Variants in PIBF1 observed in about 807,000 individuals in gnomAD.
PIBF1 encodes the protein progesterone immunomodulatory binding factor 1, also known as progesterone-induced-blocking factor 1.
A neutral mutation model predicts 112.5 loss-of-function variants in PIBF1; 90 were observed. The ratio of observed to expected loss-of-function variants is 0.80; its 90% CI spans 0.67 to 0.95. The LOEUF (loss-of-function observed/expected upper bound fraction) is 0.95. Ranked by LOEUF, PIBF1 falls within the 40% of genes least tolerant of loss-of-function variation. PIBF1 has a pLI of 0.00. For missense variants in PIBF1, 915 were observed against 852.3 expected (o/e 1.07, Z -0.92); for synonymous variants, 301 against 288.6 (o/e 1.04, Z -0.44).
chr13:72,827,403 C>T lies in PIBF1; in HGVS notation c.915+285C>T, dbSNP rs966555744. 1.3e-5 allele frequency among the ~76,000 whole-genome samples: 2 copies of T among 151,922 alleles called. 1 individual carries two copies. The highest frequency in any genetic ancestry group is 4.8e-5 in the African/African-American group (2 of 41,360). On this transcript the variant is annotated intron_variant, in intron 7 of 17. Coordinates refer to ENST00000326291, the MANE Select transcript of PIBF1 (RefSeq NM_006346.4). ...AGCTGGGATTACAGGCGTGTGCCAC[C>T]ATGCCCTACTAATTTTTACATTTTT...
chr13:72,871,783 G>A (rs1212394793), intron 10 of PIBF1, among the ~76,000 whole-genome samples: 1 of 152,144 alleles, frequency 6.6e-6, no homozygotes, highest in Non-Finnish European at 1.5e-5. Context: ...AGAACTCTTA[G>A]TTGGAGTTTT....
chr13:72,892,563 G>A (rs2040097675), intron 10 of PIBF1, among the ~76,000 whole-genome samples: 3 of 151,940 alleles, frequency 2.0e-5, no homozygotes, highest in Admixed American at 2.0e-4. Flanking sequence ...ATATAAAATT[G>A]GGCTTCATCC....
intron 10 of PIBF1, chr13:72,884,747 A>G (rs1200484997): frequency 6.6e-6 from 1 of 152,150 alleles, no homozygotes; most frequent in Non-Finnish European, 1.5e-5. Flanking sequence ...TATAATTATA[A>G]CATAATATGT....
chr13:72,975,520 G>C (rs1057092591), intron 16 of PIBF1, among the ~76,000 whole-genome samples: 4 of 152,288 alleles, frequency 2.6e-5, no homozygotes, highest in African/African-American at 7.2e-5. Context: ...CCTAGAGATG[G>C]TGTCAGAAGA....
chr13:72,998,909 C>T lies in PIBF1; in HGVS notation c.2137C>T (p.His713Tyr). 1 of 1,611,636 alleles carries T rather than the reference C, an allele frequency of 6.2e-7. No homozygotes were observed. Among genetic ancestry groups the T allele is most frequent in the Non-Finnish European group, 8.5e-7 (1 of 1,178,040 alleles). ...SLLLTKTEPKHVTENQKSKTL... is the reference protein window; with the variant it reads ...SLLLTKTEPKYVTENQKSKTL... ...ACTTCTCACTAAAACAGAACCAAAA[C>T]ATGTGACAGAAAATCAGAAATCAAA... The change falls in exon 17 of 18, where the codon CAT (histidine) becomes TAT (tyrosine). Residue 713 changes from histidine to tyrosine, a missense_variant. His to Tyr is a moderately conservative substitution (Grantham distance 83, BLOSUM62 2). Coordinates refer to ENST00000326291, the MANE Select transcript of PIBF1 (RefSeq NM_006346.4).
At chr13:72,933,771 T>C (rs942177214) in intron 14 of PIBF1, among the ~76,000 whole-genome samples, 4 of 152,250 alleles carry the variant, frequency 2.6e-5, no homozygotes, top group Non-Finnish European at 5.9e-5. Flanking sequence ...ATAATTAACT[T>C]TGTATGAAAC....
chr13:72,924,382 A>G (rs2041407568), intron 13 of PIBF1, among the ~76,000 whole-genome samples: 1 of 150,084 alleles, frequency 6.7e-6, no homozygotes, highest in Admixed American at 6.8e-5. Context: ...TATGGTTTCT[A>G]ACAGTGTGTT....
At chr13:72,857,665 C>T (rs1016575358) in intron 10 of PIBF1, among the ~76,000 whole-genome samples, 1 of 152,150 alleles carries the variant, frequency 6.6e-6, no homozygotes, top group African/African-American at 2.4e-5. Context: ...ATGGCAAAAC[C>T]CTGTCTCTAC....
At chr13:73,013,249 C>T (rs1380364292) in intron 17 of PIBF1, among the ~76,000 whole-genome samples, 4 of 135,746 alleles carry the variant, frequency 2.9e-5, no homozygotes, top group Admixed American at 7.8e-5. Context: ...TGCAGTGAGC[C>T]GAGATCGCGC....
intron 7 of PIBF1, 95 bp from the exon 8 acceptor site, chr13:72,827,638 G>A: frequency 1.4e-6 from 1 of 728,082 alleles, no homozygotes. Context: ...TTTTCATGTG[G>A]TGAATGAAAA....
chr13:72,917,042 G>T, intron 12 of PIBF1, 34 bp from the exon 13 acceptor site: 1 of 1,332,594 alleles, frequency 7.5e-7, no homozygotes, highest in Non-Finnish European at 1.0e-6. Context: ...GAAAAATAAA[G>T]TTATTTCACA....
chr13:72,786,666 G>T (rs539117353), intron 2 of PIBF1, among the ~76,000 whole-genome samples: 1 of 152,158 alleles, frequency 6.6e-6, no homozygotes, highest in African/African-American at 2.4e-5. Flanking sequence ...TTCTCTTCTG[G>T]ACCTCTGTGA....
In PIBF1 at chr13:72,867,974, T is replaced by A. The variant is rs536873871; in HGVS notation, c.1322+13819T>A. Reference sequence around the variant, plus strand: ...TATGGTTTCTAAAATTCTTTTTGTCTAAAATCATGAAGATGGCAGATGCAC... The same window carrying A: ...TATGGTTTCTAAAATTCTTTTTGTCAAAAATCATGAAGATGGCAGATGCAC... On this transcript the variant is annotated intron_variant, in intron 10 of 17. Coordinates refer to ENST00000326291, the MANE Select transcript of PIBF1 (RefSeq NM_006346.4). Among the ~76,000 whole-genome samples the A allele has an allele frequency of 2.0e-5, 3 of 147,704 alleles. No homozygotes were observed. In the South Asian group the frequency reaches 6.7e-4, roughly 33 times the overall value.
chr13:72,924,614 G>T (rs1274125696), intron 13 of PIBF1, among the ~76,000 whole-genome samples: 1 of 152,118 alleles, frequency 6.6e-6, no homozygotes, highest in Non-Finnish European at 1.5e-5. Context: ...CAGCTATGTG[G>T]GAGGATGAGC....
rs148236541 is a variant in PIBF1, at chr13:72,987,852, TTA to T, written c.2050-10968_2050-10967del. On this transcript the variant is annotated intron_variant, in intron 16 of 17. Coordinates refer to ENST00000326291, the MANE Select transcript of PIBF1 (RefSeq NM_006346.4). ...TATTTTTTGTAATTTATTTATTTAT[TTA>T]TTTATTTTTTTTTTTTTTTTTTTTT... Among the ~76,000 whole-genome samples, 121 of 83,498 alleles carry T rather than the reference TTA, an allele frequency of 1.4e-3. 1 individual carries two copies. Among genetic ancestry groups the T allele is most frequent in the African/African-American group, 5.4e-3 (114 of 21,084 alleles). The allele number at this position is 83,498 out of a possible 152,430, so 54.8% of individuals were successfully genotyped here.
chr13:72,804,735 G>A lies in PIBF1; in HGVS notation c.672+6709G>A, dbSNP rs75231473. 1.4e-4 allele frequency among the ~76,000 whole-genome samples: 21 copies of A among 152,222 alleles called. 1 individual carries two copies. The East Asian group carries it at 4.1e-3, about 29-fold the overall frequency. On this transcript the variant is annotated intron_variant, in intron 5 of 17. Coordinates refer to ENST00000326291, the MANE Select transcript of PIBF1 (RefSeq NM_006346.4). ...CAGGTTAAAATACTCAGTATGCCAG[G>A]GTGCCATGTTTCGAGGTGTCTGTTC...
chr13:72,912,141 T>A (rs1289374943), intron 12 of PIBF1, among the ~76,000 whole-genome samples: 3 of 152,154 alleles, frequency 2.0e-5, no homozygotes, highest in African/African-American at 7.2e-5. Flanking sequence ...CCATAGAGCC[T>A]TCACACAGAA....
At chr13:72,847,313 A>G (rs2037920169) in intron 9 of PIBF1, among the ~76,000 whole-genome samples, 1 of 152,216 alleles carries the variant, frequency 6.6e-6, no homozygotes. Context: ...ATAACAGGAT[A>G]CCTGAGACTG....
intron 8 of PIBF1, among the ~76,000 whole-genome samples, chr13:72,830,119 C>G (rs1249453251): frequency 1.3e-5 from 2 of 152,106 alleles, no homozygotes; most frequent in Admixed American, 6.6e-5. Context: ...TTTTGCACAT[C>G]AATTTTGTAT....
Sources: gnomAD v4.1 joint callset for allele counts (sites outside exome capture counted in the v4.1 genomes callset) on GRCh38, gnomAD v4.1.1 for gene constraint, MANE v1.5 for transcripts, NCBI Gene and HGNC (gene_info 2026-07-23, HGNC 2026-07-21) for gene names.